The following FYN variants were observed in gnomAD, a reference collection of about 807,000 sequenced individuals.
FYN encodes tyrosine-protein kinase Fyn.
FYN carries 10 observed loss-of-function variants against 70.2 expected under a neutral mutation model. The observed-to-expected ratio is 0.14, with a 90% CI of 0.09 to 0.24. The LOEUF (loss-of-function observed/expected upper bound fraction) is 0.24. Among genes scored for constraint, FYN ranks in the 10% least tolerant of loss-of-function variants. The pLI, the probability that FYN is intolerant of heterozygous loss-of-function variation, is 1.00. For synonymous variants in FYN, 236 were observed against 248.6 expected, an observed-to-expected ratio of 0.95 and a Z score of 0.48; for missense variants, 319 against 673.1, an observed-to-expected ratio of 0.47 and a Z score of 5.82.
intron 1 of FYN, among the ~76,000 whole-genome samples, chr6:111,862,017 G>C (rs1371926916): frequency 6.6e-6 from 1 of 152,202 alleles, no homozygotes; most frequent in African/African-American, 2.4e-5. Context: ...GCTATACATG[G>C]CAGAGGCACT....
intron 1 of FYN, among the ~76,000 whole-genome samples, chr6:111,847,246 C>T (rs753076152): frequency 3.9e-5 from 6 of 152,214 alleles, no homozygotes; most frequent in Non-Finnish European, 1.5e-5. Flanking sequence ...AACCTTGTGC[C>T]AAGCCCCTGG....
At chr6:111,865,330 C>T (rs1774074455) in intron 1 of FYN, among the ~76,000 whole-genome samples, 1 of 152,184 alleles carries the variant, frequency 6.6e-6, no homozygotes. Context: ...GCACAGCAGG[C>T]TGTTCTGGAA....
At chr6:111,689,851 A>G (rs1262691272) in intron 12 of FYN, among the ~76,000 whole-genome samples, 1 of 152,158 alleles carries the variant, frequency 6.6e-6, no homozygotes, top group Non-Finnish European at 1.5e-5. Flanking sequence ...GGGTGGATTC[A>G]GGGGCATATA....
At chr6:111,717,615 C>T (rs148859403) in intron 4 of FYN, among the ~76,000 whole-genome samples, 5,788 of 152,260 alleles carry the variant, frequency 0.038, 166 homozygotes, top group East Asian at 0.13. Context: ...GCGCCCACCA[C>T]CACGCCTGGC....
At chr6:111,842,297 T>C (rs1353440753) in intron 2 of FYN, among the ~76,000 whole-genome samples, 1 of 152,170 alleles carries the variant, frequency 6.6e-6, no homozygotes, top group Non-Finnish European at 1.5e-5. Flanking sequence ...ACAATTCCCG[T>C]CTGCACATAG....
chr6:111,734,945 A>T (rs568845969), intron 3 of FYN, among the ~76,000 whole-genome samples: 1 of 152,344 alleles, frequency 6.6e-6, no homozygotes, highest in South Asian at 2.1e-4. Context: ...TATATACTTA[A>T]GAGGGAGACA....
intron 3 of FYN, among the ~76,000 whole-genome samples, chr6:111,736,057 A>G (rs1449823469): frequency 2.0e-5 from 3 of 152,200 alleles, no homozygotes; most frequent in African/African-American, 7.2e-5. Flanking sequence ...AATGCAGGTC[A>G]TCAGAAGAAA....
At chr6:111,766,711 C>G (rs1372592094) in intron 3 of FYN, among the ~76,000 whole-genome samples, 2 of 152,112 alleles carry the variant, frequency 1.3e-5, no homozygotes, top group Non-Finnish European at 2.9e-5. Context: ...GGGAAAAGCC[C>G]CTTATAAAAC....
At chr6:111,767,870 T>A (rs900640874) in intron 3 of FYN, among the ~76,000 whole-genome samples, 1 of 152,194 alleles carries the variant, frequency 6.6e-6, no homozygotes, top group Non-Finnish European at 1.5e-5. Flanking sequence ...GCAAACTGAA[T>A]CACATCAGGG....
intron 5 of FYN, among the ~76,000 whole-genome samples, chr6:111,713,433 T>C (rs1294179715): frequency 2.6e-5 from 4 of 152,148 alleles, no homozygotes; most frequent in African/African-American, 7.2e-5. Flanking sequence ...CTTGGTGGCA[T>C]AGAAGAACTT....
intron 12 of FYN, among the ~76,000 whole-genome samples, chr6:111,684,125 A>G (rs1054133814): frequency 6.6e-6 from 1 of 152,226 alleles, no homozygotes; most frequent in Non-Finnish European, 1.5e-5. Flanking sequence ...CATAATGTTG[A>G]GCAAGAAGTT....
chr6:111,827,083 C>T (rs974940144), intron 2 of FYN, among the ~76,000 whole-genome samples: 6 of 152,030 alleles, frequency 3.9e-5, no homozygotes, highest in Admixed American at 1.3e-4. Context: ...GGGCAAGAGT[C>T]GGCCAACGAG....
At position 111,820,332 on chromosome 6, in the gene FYN, C is replaced by T. The variant is rs555073120; in HGVS notation, c.-82+26257G>A. Reference sequence around the variant, plus strand: ...TACAAAATACTGTCTTAGTGAGATGCCAAAATACACACCCATTCAAAATAT... The same window carrying T: ...TACAAAATACTGTCTTAGTGAGATGTCAAAATACACACCCATTCAAAATAT... On this transcript the variant is annotated intron_variant, in intron 2 of 13. Transcript: ENST00000354650. Among the ~76,000 whole-genome samples the T allele has an allele frequency of 3.3e-5, 5 of 152,140 alleles. No homozygotes were observed. In the East Asian group the frequency reaches 9.6e-4, roughly 29 times the overall value.
chr6:111,775,266 G>C (rs1770882755), intron 3 of FYN, among the ~76,000 whole-genome samples: 1 of 152,194 alleles, frequency 6.6e-6, no homozygotes, highest in Admixed American at 6.5e-5. Context: ...CTACAGCATA[G>C]TGTGAATTTT....
At chr6:111,840,649 G>A (rs1188547061) in intron 2 of FYN, among the ~76,000 whole-genome samples, 1 of 152,144 alleles carries the variant, frequency 6.6e-6, no homozygotes, top group Non-Finnish European at 1.5e-5. Context: ...GGCTAAAAGT[G>A]GGCAGTAATA....
At chr6:111,718,616 TTG>T (rs1800784727) in intron 4 of FYN, among the ~76,000 whole-genome samples, 1 of 151,734 alleles carries the variant, frequency 6.6e-6, no homozygotes, top group Non-Finnish European at 1.5e-5. Flanking sequence ...AGGATGGGGG[TTG>T]TGTTTGCCTC....
intron 12 of FYN, among the ~76,000 whole-genome samples, chr6:111,675,161 C>T (rs1798476557): frequency 6.6e-6 from 1 of 152,158 alleles, no homozygotes; most frequent in South Asian, 2.1e-4. Context: ...TCTCTCTCCA[C>T]ATTTGCTGTT....
At chr6:111,785,866 T>C (rs569422277) in intron 2 of FYN, among the ~76,000 whole-genome samples, 6 of 137,670 alleles carry the variant, frequency 4.4e-5, no homozygotes, top group Non-Finnish European at 6.2e-5. Context: ...CCCCTTCCTG[T>C]GTCCAGGTGT....
chr6:111,744,826 C>A (rs1365292635), intron 3 of FYN, among the ~76,000 whole-genome samples: 3 of 152,144 alleles, frequency 2.0e-5, no homozygotes, highest in Non-Finnish European at 2.9e-5. Flanking sequence ...TATCACCTAA[C>A]AATAAATATG....
Sources: allele counts gnomAD v4.1 joint callset (sites outside exome capture counted in the v4.1 genomes callset), GRCh38; gene constraint gnomAD v4.1.1; transcripts MANE v1.5; gene names NCBI Gene and HGNC (gene_info 2026-07-23, HGNC 2026-07-21).